The following MAGEB6B variants were observed in gnomAD, a reference collection of about 807,000 sequenced individuals.
MAGEB6B encodes MAGE family member B6B.
For missense variants in MAGEB6B, 277 were observed against 251.5 expected, an observed-to-expected ratio of 1.10 and a Z score of -0.69; for synonymous variants, 107 against 102.3, an observed-to-expected ratio of 1.05 and a Z score of -0.27.
chrX:26,161,195 G>A, exon 1 of MAGEB6B: 1 of 756,333 alleles, frequency 1.3e-6, no homozygotes, highest in Non-Finnish European at 2.1e-6. Context: ...AAAAAGGAAG[G>A]CAAACAAGAT....
chrX:26,162,099 T>A (rs1928698673), downstream of MAGEB6B, among the ~76,000 whole-genome samples: 1 of 112,552 alleles, frequency 8.9e-6, no homozygotes, highest in African/African-American at 3.2e-5. Context: ...TGCTTCAGAT[T>A]ATACATTTAT....
At chrX:26,160,887 C>T in exon 1 of MAGEB6B, 1 of 603,990 alleles carries the variant, frequency 1.7e-6, no homozygotes, top group Non-Finnish European at 2.9e-6. Flanking sequence ...AGTCCTAGTA[C>T]CTCCCGTGAT....
downstream of MAGEB6B, among the ~76,000 whole-genome samples, chrX:26,162,160 G>A (rs1385713262): frequency 1.8e-5 from 2 of 111,534 alleles, no homozygotes; most frequent in Non-Finnish European, 3.8e-5. Flanking sequence ...TGAAAGTTAC[G>A]GTTTGGGTAT....
chrX:26,161,431 T>C (rs1928689163), exon 1 of MAGEB6B: 1 of 994,760 alleles, frequency 1.0e-6, no homozygotes, highest in African/African-American at 1.9e-5. Context: ...GAAGTCTGAG[T>C]GGTGATAATG....
chrX:26,161,323 C>G, exon 1 of MAGEB6B: 1 of 647,566 alleles, frequency 1.5e-6, no homozygotes, highest in Non-Finnish European at 2.6e-6. Flanking sequence ...AGAGAACCTC[C>G]GAACATTTGA....
At chrX:26,161,077 A>C in exon 1 of MAGEB6B, 1 of 1,122,303 alleles carries the variant, frequency 8.9e-7, no homozygotes, top group East Asian at 3.0e-5. Context: ...CGCCTGATGC[A>C]GATGTTTCAG....
At position 26,161,418 on chromosome X, in the gene MAGEB6B, A is replaced by G. The variant is rs756958624; in HGVS notation, c.818A>G (p.Glu273Gly). The G allele has an allele frequency of 1.2e-5, 11 of 943,699 alleles. No homozygotes were observed. In the Admixed American group the frequency reaches 2.4e-4, roughly 21 times the overall value. The allele number at this position is 943,699 out of a possible 1,213,427, so 77.8% of individuals were successfully genotyped here. A position where few individuals can be genotyped will look rare whatever the true frequency, so the allele number is the denominator to read the frequency against. ...GTCAGCAAGCTGGGTCTCTCCAATG[A>G]AGGAAGTCTGAGTGGTGATAATGCG... is the stretch of plus-strand genomic sequence containing the variant. The change falls in exon 1 of 1, where the codon GAA becomes GGA. Residue 273 changes from glutamate (E) to glycine (G), a missense_variant. Glu to Gly is a moderately conservative substitution (Grantham distance 98). Coordinates refer to ENST00000416929, the Ensembl canonical transcript of MAGEB6B.
At chrX:26,161,734 G>C (rs1352926349) in exon 1 of MAGEB6B, 1 of 1,211,370 alleles carries the variant, frequency 8.3e-7, no homozygotes. Context: ...TTTTGGCCGA[G>C]ATCAATAACA....
At chrX:26,161,334 C>T (rs1928687214) in exon 1 of MAGEB6B, 7 of 648,124 alleles carry the variant, frequency 1.1e-5, no homozygotes, top group East Asian at 3.2e-5. Context: ...GAACATTTGA[C>T]GGTGTTCTTT....
chrX:26,161,942 G>C (rs192299676), downstream of MAGEB6B: 705 of 685,266 alleles, frequency 1.0e-3, 3 homozygotes, highest in East Asian at 0.02. Context: ...AGAGAGTAGT[G>C]AGCCTTCTAA....
At chrX:26,162,131 C>T (rs1194814039), downstream of MAGEB6B, among the ~76,000 whole-genome samples, 2 of 112,115 alleles carry the variant, frequency 1.8e-5, no homozygotes, top group African/African-American at 6.5e-5. Flanking sequence ...CTCTCACATT[C>T]ATGGCCGTTT....
At chrX:26,161,868 C>A, downstream of MAGEB6B, 2 of 1,126,788 alleles carry the variant, frequency 1.8e-6, no homozygotes, top group Admixed American at 2.3e-5. Context: ...CCTTATGGGG[C>A]CATATCCTAC....
At chrX:26,160,958 T>C (rs1460007294) in exon 1 of MAGEB6B, 1 of 655,305 alleles carries the variant, frequency 1.5e-6, no homozygotes, top group East Asian at 3.2e-5. Flanking sequence ...TGCAGGTATT[T>C]CATGCTCAAA....
rs149603252 is a variant in MAGEB6B, at chrX:26,161,746, C to A, written c.1146C>A (p.Thr382=). The A allele has an allele frequency of 2.5e-3, 3,079 of 1,208,951 alleles. 40 individuals carry two copies. The African/African-American group carries it at 0.046, about 18-fold the overall frequency. ...GTGTTTTGGCCGAGATCAATAACAC[C>A]AGTCCCGGTTTATACCCACATCTGT... Residue 382 remains threonine (T), a synonymous_variant, in exon 1 of 1, where the codon ACC becomes ACA. Coordinates refer to ENST00000416929, the Ensembl canonical transcript of MAGEB6B.
exon 1 of MAGEB6B, chrX:26,160,892 C>G (rs1372181196): frequency 1.7e-6 from 1 of 600,794 alleles, no homozygotes; most frequent in Non-Finnish European, 3.0e-6. Flanking sequence ...TAGTACCTCC[C>G]GTGATGCCTC....
exon 1 of MAGEB6B, chrX:26,160,610 G>A: frequency 1.8e-6 from 1 of 569,054 alleles, no homozygotes; most frequent in Non-Finnish European, 3.2e-6. Flanking sequence ...CATGCCTCGG[G>A]GTCAGAAGAG....
At chrX:26,161,822 T>G in exon 1 of MAGEB6B, 1 of 1,206,390 alleles carries the variant, frequency 8.3e-7, no homozygotes, top group East Asian at 3.0e-5. Flanking sequence ...ACTGAGAGCT[T>G]AAGGCAGGGC....
exon 1 of MAGEB6B, chrX:26,161,655 C>T (rs764547303): frequency 5.0e-6 from 6 of 1,211,783 alleles, no homozygotes; most frequent in Non-Finnish European, 1.1e-6. Context: ...AACAGTGATC[C>T]TCCATGCTAT....
rs375646437 is a variant in MAGEB6B, at chrX:26,161,368, T to A, written c.768T>A (p.Asp256Glu). The change falls in exon 1 of 1, where the codon GAT (aspartate) becomes GAA (glutamate). Residue 256 changes from aspartate to glutamate, a missense_variant. Asp to Glu is a conservative substitution (Grantham distance 45). Transcript: ENST00000416929. ...TTGGCGTTGAATTGAAAGAAACGGA[T>A]TCCAGCGGCGAGTCCTACACCCTTG... The A allele has an allele frequency of 6.4e-5, 44 of 688,771 alleles. No individual in the cohort carries two copies. The African/African-American group carries it at 8.5e-4, about 13-fold the overall frequency. The allele number at this position is 688,771 out of a possible 1,213,427, so 56.8% of individuals were successfully genotyped here. A position where few individuals can be genotyped will look rare whatever the true frequency, so the allele number is the denominator to read the frequency against.
Sources: gnomAD v4.1 joint callset for allele counts (sites outside exome capture counted in the v4.1 genomes callset) on GRCh38, gnomAD v4.1.1 for gene constraint, MANE v1.5 for transcripts, NCBI Gene and HGNC (gene_info 2026-07-23, HGNC 2026-07-21) for gene names.